Variants in PPFIBP1 observed in about 807,000 individuals in gnomAD.
PPFIBP1 encodes the protein liprin-beta-1.
A neutral mutation model predicts 137.8 loss-of-function variants in PPFIBP1; 112 were observed. The ratio of observed to expected loss-of-function variants is 0.81; its 90% CI spans 0.70 to 0.95. The LOEUF is 0.95. Ranked by LOEUF, PPFIBP1 falls within the 40% of genes least tolerant of loss-of-function variation. The pLI, the probability that PPFIBP1 is intolerant of heterozygous loss-of-function variation, is 0.00. For missense variants in PPFIBP1, 1,083 were observed against 1,196.6 expected (o/e 0.91, Z 1.40); for synonymous variants, 378 against 417.3 (o/e 0.91, Z 1.15).
chr12:27,664,680 G>A (rs921029649), intron 12 of PPFIBP1, among the ~76,000 whole-genome samples: 5 of 151,814 alleles, frequency 3.3e-5, no homozygotes, highest in African/African-American at 1.2e-4. Context: ...TGATGAGATA[G>A]CATTCCAGAG....
At chr12:27,667,941 A>G (rs866982781) in intron 13 of PPFIBP1, among the ~76,000 whole-genome samples, 1 of 152,198 alleles carries the variant, frequency 6.6e-6, no homozygotes, top group African/African-American at 2.4e-5. Flanking sequence ...CAGAAATCAC[A>G]TGGCATCTCT....
At chr12:27,666,775 C>T (rs2059883539) in intron 12 of PPFIBP1, among the ~76,000 whole-genome samples, 1 of 152,216 alleles carries the variant, frequency 6.6e-6, no homozygotes, top group South Asian at 2.1e-4. Flanking sequence ...TTGCTATTCA[C>T]AATTCGTTTT....
At chr12:27,531,626 A>G (rs574188461) in intron 1 of PPFIBP1, among the ~76,000 whole-genome samples, 1 of 152,272 alleles carries the variant, frequency 6.6e-6, no homozygotes, top group South Asian at 2.1e-4. Flanking sequence ...AGGAATAATA[A>G]TGGCATATTC....
intron 25 of PPFIBP1, 125 bp downstream of exon 25, chr12:27,687,632 C>A: frequency 8.9e-7 from 1 of 1,126,304 alleles, no homozygotes; most frequent in African/African-American, 1.6e-5. Flanking sequence ...GCCTCATTTA[C>A]TTCTTAGGCT....
In PPFIBP1 at chr12:27,684,250, AGGT is replaced by A. The variant is rs1274785962; in HGVS notation, c.2247+1549_2247+1551del. Among the ~76,000 whole-genome samples the A allele has an allele frequency of 1.3e-3, 194 of 152,194 alleles. 1 individual carries two copies. The highest frequency in any genetic ancestry group is 4.4e-3 in the African/African-American group (183 of 41,526). On this transcript the variant is annotated intron_variant, in intron 24 of 29. Transcript: ENST00000228425. ...CAGCCACCCGAGTAGCTGGGATTACAGGTGCACACCACTGCTCCTGGCTAATTT... is the reference window on the plus strand; with the variant it reads ...CAGCCACCCGAGTAGCTGGGATTACAGCACACCACTGCTCCTGGCTAATTT...
intron 1 of PPFIBP1, chr12:27,547,633 A>C (rs1458470954): frequency 6.6e-6 from 1 of 152,384 alleles, no homozygotes; most frequent in African/African-American, 2.4e-5. Context: ...AAGATTGGGC[A>C]GAGGAGAAGC....
Position 27,695,169 on chromosome 12 carries a change from T to G in PPFIBP1, c.*2287T>G, listed in dbSNP as rs535939700. Reference sequence around the variant, plus strand: ...TCTTGCTCTGTTGCCCAGGCTGGAGTGCAGTGGCACAATCTCAGCTCACTG... The same window carrying G: ...TCTTGCTCTGTTGCCCAGGCTGGAGGGCAGTGGCACAATCTCAGCTCACTG... On this transcript the variant is annotated 3_prime_UTR_variant, in exon 30 of 30. Transcript: ENST00000228425. 6.6e-6 allele frequency: 1 copy of G among 150,674 alleles called. No homozygotes were observed. The highest frequency in any genetic ancestry group is 1.5e-5 in the Non-Finnish European group (1 of 67,902). 9.3% of individuals were successfully genotyped at this position (150,674 alleles called of 1,614,324 possible). A position where few individuals can be genotyped will look rare whatever the true frequency, so the allele number is the denominator to read the frequency against.
chr12:27,658,861 G>C lies in PPFIBP1; in HGVS notation c.844+13G>C, dbSNP rs1384609094. The C allele has an allele frequency of 6.2e-7, 1 of 1,611,084 alleles. No homozygotes were observed. Among genetic ancestry groups the C allele is most frequent in the South Asian group, 1.1e-5 (1 of 90,938 alleles). ...CTCAAAGAAAAAAGTAAGGTTTGGT[G>C]CATTTCCATCAGCCTTTACATTCAC... is the stretch of plus-strand genomic sequence containing the variant. On this transcript the variant is annotated intron_variant, in intron 10 of 29. Transcript: ENST00000228425.
At chr12:27,624,171 G>A (rs2056601293) in intron 2 of PPFIBP1, among the ~76,000 whole-genome samples, 1 of 152,154 alleles carries the variant, frequency 6.6e-6, no homozygotes, top group African/African-American at 2.4e-5. Context: ...TTGCAGTATG[G>A]TGGGAGGCCG....
intron 2 of PPFIBP1, among the ~76,000 whole-genome samples, chr12:27,611,651 T>A (rs2055124364): frequency 6.6e-6 from 1 of 152,238 alleles, no homozygotes. Context: ...TTGTTTTTAT[T>A]TGCTTTTTAG....
chr12:27,651,104 C>T (rs1358624427), intron 7 of PPFIBP1, among the ~76,000 whole-genome samples: 2 of 152,150 alleles, frequency 1.3e-5, no homozygotes, highest in Non-Finnish European at 2.9e-5. Context: ...GCATTACATA[C>T]ATTATCCACC....
chr12:27,676,873 C>T, intron 18 of PPFIBP1, 191 bp from the exon 19 acceptor site: 2 of 790,362 alleles, frequency 2.5e-6, no homozygotes, highest in South Asian at 3.0e-5. Flanking sequence ...AGTTTCCCAT[C>T]TGTTGTGATA....
At position 27,543,066 on chromosome 12, in the gene PPFIBP1, C is replaced by T. The variant is rs376737255; in HGVS notation, c.-124+18701C>T. 2.6e-5 allele frequency among the ~76,000 whole-genome samples: 4 copies of T among 152,220 alleles called. No individual in the cohort carries two copies. The East Asian group carries it at 7.7e-4, about 29-fold the overall frequency. On this transcript the variant is annotated intron_variant, in intron 1 of 29. Transcript: ENST00000228425. ...TGCTAAGTAAATTTTTATTTTTCAT[C>T]CCATCTAAAAGTTAGGTTAGATTTG...
intron 2 of PPFIBP1, among the ~76,000 whole-genome samples, chr12:27,584,977 T>C (rs2051559402): frequency 6.6e-6 from 1 of 152,240 alleles, no homozygotes; most frequent in Admixed American, 6.5e-5. Flanking sequence ...TGCATCATTT[T>C]AGCCTAGATA....
intron 26 of PPFIBP1, 115 bp downstream of exon 26, chr12:27,688,538 G>T (rs2061330256): frequency 8.0e-7 from 1 of 1,254,656 alleles, no homozygotes; most frequent in African/African-American, 1.5e-5. Flanking sequence ...CAACCCTCCT[G>T]CCCTATTTCT....
intron 1 of PPFIBP1, among the ~76,000 whole-genome samples, chr12:27,542,664 A>G (rs754296878): frequency 1.3e-5 from 2 of 152,206 alleles, no homozygotes; most frequent in Admixed American, 6.5e-5. Context: ...GAATATCACT[A>G]TATTTAGATG....
At chr12:27,543,484 G>A (rs1216838020) in intron 1 of PPFIBP1, among the ~76,000 whole-genome samples, 2 of 152,116 alleles carry the variant, frequency 1.3e-5, no homozygotes. Context: ...TCTGTTCTGG[G>A]AACTTTAGAT....
chr12:27,616,658 T>C (rs1242556615), intron 2 of PPFIBP1, among the ~76,000 whole-genome samples: 1 of 152,182 alleles, frequency 6.6e-6, no homozygotes, highest in Non-Finnish European at 1.5e-5. Context: ...AGTGAAGGAA[T>C]AATTGTCTGA....
intron 2 of PPFIBP1, among the ~76,000 whole-genome samples, chr12:27,588,629 G>A (rs1197134427): frequency 6.6e-6 from 1 of 152,120 alleles, no homozygotes; most frequent in African/African-American, 2.4e-5. Context: ...TTAAAGATTT[G>A]TACTTAAAAT....
Sources: gnomAD v4.1 joint callset for allele counts (sites outside exome capture counted in the v4.1 genomes callset) on GRCh38, gnomAD v4.1.1 for gene constraint, MANE v1.5 for transcripts, NCBI Gene and HGNC (gene_info 2026-07-23, HGNC 2026-07-21) for gene names.